C12orf42: variants seen among roughly 807,000 people sequenced by gnomAD.
C12orf42 encodes the protein uncharacterized protein C12orf42.
Under a neutral mutation model 21.6 loss-of-function variants are expected in C12orf42, and 25 were observed. The ratio of observed to expected loss-of-function variants is 1.16; its 90% CI spans 0.84 to 1.62. C12orf42 has a LOEUF of 1.62. Ranked by LOEUF, C12orf42 falls within the 40% of genes most tolerant of loss-of-function variation. The pLI is 0.00. For missense variants in C12orf42, 483 were observed against 459.3 expected (o/e 1.05, Z -0.47); for synonymous variants, 174 against 175.0 (o/e 0.99, Z 0.05).
chr12:103,439,730 G>A (rs963303825), intron 2 of C12orf42, among the ~76,000 whole-genome samples: 8 of 152,032 alleles, frequency 5.3e-5, no homozygotes, highest in Non-Finnish European at 7.4e-5. Context: ...ACCAGTTAGA[G>A]TGGCAATCAT....
the C12orf42 span, among the ~76,000 whole-genome samples, chr12:103,553,177 G>A: frequency 6.6e-6 from 1 of 152,168 alleles, no homozygotes; most frequent in Non-Finnish European, 1.5e-5. Flanking sequence ...GATGCCGGTA[G>A]CATTCCTCCT....
chr12:103,518,713 A>G, the C12orf42 span, among the ~76,000 whole-genome samples: 2 of 152,184 alleles, frequency 1.3e-5, no homozygotes, highest in African/African-American at 4.8e-5. Context: ...AAAACCCTCT[A>G]TGAATTCCAA....
chr12:103,260,587 T>C (rs2034845092), intron 10 of C12orf42, among the ~76,000 whole-genome samples: 1 of 152,118 alleles, frequency 6.6e-6, no homozygotes, highest in Non-Finnish European at 1.5e-5. Context: ...ACCTAGCAAA[T>C]TAAAAATTAT....
the C12orf42 span, among the ~76,000 whole-genome samples, chr12:103,217,051 G>A: frequency 2.6e-5 from 4 of 151,828 alleles, no homozygotes; most frequent in East Asian, 1.9e-4. Context: ...CCGTGTTGGC[G>A]AGGGTTGTCT....
At chr12:103,097,227 C>T in the C12orf42 span, among the ~76,000 whole-genome samples, 1 of 152,146 alleles carries the variant, frequency 6.6e-6, no homozygotes, top group Non-Finnish European at 1.5e-5. Context: ...TGTGTCAACA[C>T]ATTAAAAATT....
At chr12:103,525,058 C>T in the C12orf42 span, among the ~76,000 whole-genome samples, 174 of 152,176 alleles carry the variant, frequency 1.1e-3, no homozygotes, top group African/African-American at 4.0e-3. Context: ...TGCTCTGTCA[C>T]CCAGGCTGCA....
At chr12:103,486,434 CT>C (rs531493041) in intron 1 of C12orf42, among the ~76,000 whole-genome samples, 10 of 147,216 alleles carry the variant, frequency 6.8e-5, no homozygotes, top group Admixed American at 1.4e-4. Flanking sequence ...CTAAAATTCT[CT>C]TTTTTTTTTG....
chr12:103,526,676 C>T, the C12orf42 span, among the ~76,000 whole-genome samples: 1 of 152,164 alleles, frequency 6.6e-6, no homozygotes, highest in East Asian at 1.9e-4. Flanking sequence ...CACCAGAAAG[C>T]TCAATCCTGA....
At chr12:103,138,419 T>C in the C12orf42 span, among the ~76,000 whole-genome samples, 1 of 152,196 alleles carries the variant, frequency 6.6e-6, no homozygotes, top group Non-Finnish European at 1.5e-5. Context: ...GCTCGCTCTC[T>C]CCTGCTGCCA....
the C12orf42 span, among the ~76,000 whole-genome samples, chr12:103,057,404 A>C: frequency 6.6e-6 from 1 of 151,952 alleles, no homozygotes; most frequent in African/African-American, 2.4e-5. Flanking sequence ...CCCTGTGTCC[A>C]TGTACTTTCA....
At chr12:103,485,807 T>G (rs1954794087) in intron 1 of C12orf42, among the ~76,000 whole-genome samples, 1 of 152,190 alleles carries the variant, frequency 6.6e-6, no homozygotes, top group Non-Finnish European at 1.5e-5. Context: ...GCTTGTGATT[T>G]TTGCACATTG....
the C12orf42 span, among the ~76,000 whole-genome samples, chr12:103,177,630 C>CTTTCT: frequency 6.6e-6 from 1 of 152,202 alleles, no homozygotes; most frequent in Non-Finnish European, 1.5e-5. Flanking sequence ...GAAAAACTGA[C>CTTTCT]TTTCTTTTAC....
chr12:103,540,506 T>C, the C12orf42 span, among the ~76,000 whole-genome samples: 1 of 152,202 alleles, frequency 6.6e-6, no homozygotes, highest in African/African-American at 2.4e-5. Flanking sequence ...TTTAGAATGT[T>C]TATATTTTTC....
chr12:103,217,343 C>T, the C12orf42 span, among the ~76,000 whole-genome samples: 1 of 151,840 alleles, frequency 6.6e-6, no homozygotes, highest in Non-Finnish European at 1.5e-5. Flanking sequence ...ATAGCAAGAC[C>T]CTGTCTTTAC....
At chr12:103,382,617 C>G (rs1169674524) in intron 3 of C12orf42, among the ~76,000 whole-genome samples, 1 of 152,200 alleles carries the variant, frequency 6.6e-6, no homozygotes, top group Non-Finnish European at 1.5e-5. Flanking sequence ...GCACCAAATG[C>G]TTGCTACAAT....
intron 2 of C12orf42, among the ~76,000 whole-genome samples, chr12:103,427,598 G>A (rs905001518): frequency 6.6e-6 from 1 of 152,110 alleles, no homozygotes; most frequent in Non-Finnish European, 1.5e-5. Context: ...GGATATTCAG[G>A]ACTTGAATTC....
intron 2 of C12orf42, among the ~76,000 whole-genome samples, chr12:103,425,193 C>T (rs1281073662): frequency 2.0e-5 from 3 of 152,158 alleles, no homozygotes; most frequent in Admixed American, 2.0e-4. Context: ...CAGTCAGGGG[C>T]TTATAGATAA....
At chr12:103,051,700 G>A in the C12orf42 span, among the ~76,000 whole-genome samples, 76 of 152,136 alleles carry the variant, frequency 5.0e-4, no homozygotes, top group Non-Finnish European at 9.8e-4. Context: ...GTTTTGGGGA[G>A]TGTAAGCCCT....
At chr12:103,531,890 T>C in the C12orf42 span, among the ~76,000 whole-genome samples, 28 of 152,348 alleles carry the variant, frequency 1.8e-4, no homozygotes, top group South Asian at 1.9e-3. Context: ...TTATGAAGCA[T>C]TGTGGGATTA....
Sources: gnomAD v4.1 joint callset for allele counts (sites outside exome capture counted in the v4.1 genomes callset) on GRCh38, gnomAD v4.1.1 for gene constraint, MANE v1.5 for transcripts, NCBI Gene and HGNC (gene_info 2026-07-23, HGNC 2026-07-21) for gene names.